Variants in BCAS3 observed in about 807,000 individuals in gnomAD.
BCAS3 encodes BCAS3 microtubule associated cell migration factor, also known as BCAS4/BCAS3 fusion.
A neutral mutation model predicts 116.1 loss-of-function variants in BCAS3; 53 were observed. That is an observed-to-expected ratio of 0.46 (90% confidence interval 0.37 to 0.57). The LOEUF is 0.57. Ranked by LOEUF, BCAS3 falls within the 20% of genes least tolerant of loss-of-function variation. BCAS3 has a pLI of 0.00. For synonymous variants in BCAS3, 391 were observed against 408.2 expected, an observed-to-expected ratio of 0.96 and a Z score of 0.51; for missense variants, 917 against 1,165.4, an observed-to-expected ratio of 0.79 and a Z score of 3.10.
intron 6 of BCAS3, among the ~76,000 whole-genome samples, chr17:60,757,346 A>AT (rs1471709559): frequency 3.3e-5 from 5 of 150,386 alleles, no homozygotes; most frequent in African/African-American, 1.2e-4. Context: ...AAATAAATAA[A>AT]TAAATAAATA....
Position 61,368,401 on chromosome 17 carries a change from T to A in BCAS3, c.2500T>A (p.Ser834Thr). ...WPEGFGLRHM[S>T]SMEHTEEGLR... ...TGAGGGCTTCGGGCTGCGGCACATG[T>A]CCTCCATGGAGCACACGGAGGAGGG... The change falls in exon 23 of 24, where the codon TCC becomes ACC. Residue 834 changes from serine to threonine, a missense_variant. Physicochemically the swap from Ser to Thr is moderately conservative, Grantham distance 58. Coordinates refer to ENST00000407086, the MANE Select transcript of BCAS3 (RefSeq NM_017679.5). The surrounding 1 kb of genome is among the most constrained non-coding windows in gnomAD (Gnocchi z 6.0). 1 of 1,613,092 alleles carries A rather than the reference T, an allele frequency of 6.2e-7. No homozygotes were observed. The highest frequency in any genetic ancestry group is 8.5e-7 in the Non-Finnish European group (1 of 1,179,160).
intron 15 of BCAS3, among the ~76,000 whole-genome samples, chr17:61,014,071 C>A (rs745918895): frequency 6.6e-6 from 1 of 151,824 alleles, no homozygotes. Context: ...CAACTTAATT[C>A]GAATTAGTAA....
intron 22 of BCAS3, among the ~76,000 whole-genome samples, chr17:61,274,454 A>C (rs184185678): frequency 6.6e-6 from 1 of 151,786 alleles, no homozygotes; most frequent in Admixed American, 6.6e-5. Context: ...ACACCTGCCT[A>C]ATTTTTGTAT....
At chr17:60,840,269 T>C (rs75463593) in intron 7 of BCAS3, among the ~76,000 whole-genome samples, 4,612 of 152,264 alleles carry the variant, frequency 0.03, 181 homozygotes, top group East Asian at 0.092. Context: ...GCATAAAAGA[T>C]CCTTTTGCAT....
chr17:60,999,960 T>A (rs1437882226), intron 15 of BCAS3, among the ~76,000 whole-genome samples: 6 of 152,186 alleles, frequency 3.9e-5, no homozygotes, highest in Admixed American at 3.9e-4. Context: ...TCAGCTTGAA[T>A]ATTATTGTTG....
intron 18 of BCAS3, among the ~76,000 whole-genome samples, chr17:61,040,225 C>T (rs1269142226): frequency 1.3e-5 from 2 of 152,164 alleles, no homozygotes; most frequent in African/African-American, 4.8e-5. Flanking sequence ...TACTACTTTA[C>T]TATGCTGGAT....
At chr17:61,120,391 A>T (rs1462700169) in intron 22 of BCAS3, among the ~76,000 whole-genome samples, 1 of 152,086 alleles carries the variant, frequency 6.6e-6, no homozygotes, top group Non-Finnish European at 1.5e-5. Flanking sequence ...TCAGCTACAA[A>T]CCCATATCTT....
At chr17:61,183,038 T>C (rs367667303) in intron 22 of BCAS3, among the ~76,000 whole-genome samples, 2 of 152,260 alleles carry the variant, frequency 1.3e-5, no homozygotes, top group South Asian at 2.1e-4. Context: ...ATTCTTAAGT[T>C]GTTTAAGGAA....
Position 61,151,289 on chromosome 17 carries a change from T to C in BCAS3, c.2425+66725T>C, listed in dbSNP as rs1202038555. Among the ~76,000 whole-genome samples the C allele has an allele frequency of 1.3e-5, 2 of 152,114 alleles. No individual in the cohort carries two copies. The highest frequency in any genetic ancestry group is 2.4e-5 in the African/African-American group (1 of 41,422). On this transcript the variant is annotated intron_variant, in intron 22 of 23. Coordinates refer to ENST00000407086, the MANE Select transcript of BCAS3 (RefSeq NM_017679.5). The surrounding 1 kb of genome is among the most constrained non-coding windows in gnomAD (Gnocchi z 4.8). ...CAGTAAGTATATAATGCAAATATTCTAAGATCTGAAAAAATTCAAAATTCA... is the reference window on the plus strand; with the variant it reads ...CAGTAAGTATATAATGCAAATATTCCAAGATCTGAAAAAATTCAAAATTCA...
chr17:61,025,208 G>T (rs2066150966), intron 16 of BCAS3, among the ~76,000 whole-genome samples: 1 of 152,040 alleles, frequency 6.6e-6, no homozygotes, highest in African/African-American at 2.4e-5. Context: ...TTGTCAAACT[G>T]CAAGCTGAGC....
intron 22 of BCAS3, among the ~76,000 whole-genome samples, chr17:61,287,151 G>C (rs747846405): frequency 2.6e-5 from 4 of 151,968 alleles, no homozygotes; most frequent in Non-Finnish European, 5.9e-5. Flanking sequence ...GGGAGGCTGA[G>C]GCAGGAGAAT....
chr17:61,253,118 C>A (rs2048496449), intron 22 of BCAS3, among the ~76,000 whole-genome samples: 1 of 151,390 alleles, frequency 6.6e-6, no homozygotes, highest in African/African-American at 2.4e-5. Flanking sequence ...TCAGGTGATC[C>A]ACTTGCCTCG....
In BCAS3 at chr17:61,271,124, C is replaced by CTT. The variant is rs1198682844; in HGVS notation, c.2426-97183_2426-97182dup. Among the ~76,000 whole-genome samples the CTT allele has an allele frequency of 1.0e-3, 112 of 107,076 alleles. 1 individual carries two copies. Among genetic ancestry groups the CTT allele is most frequent in the African/African-American group, 2.9e-3 (80 of 27,654 alleles). The allele number at this position is 107,076 out of a possible 152,430, so 70.2% of individuals were successfully genotyped here. ...GTAAGGGAAGGATCCAACTTTTATT[C>CTT]TTTTTTTTTTTTTTTTTTTTTGAAA... On this transcript the variant is annotated intron_variant, in intron 22 of 23. Transcript: ENST00000407086.
Position 61,364,293 on chromosome 17 carries a change from C to T in BCAS3, c.2426-4034C>T, listed in dbSNP as rs1603068742. Among the ~76,000 whole-genome samples, 3 of 152,310 alleles carry T rather than the reference C, an allele frequency of 2.0e-5. No individual in the cohort carries two copies. The highest frequency in any genetic ancestry group is 6.5e-5 in the Admixed American group (1 of 15,306). ...GTGTGCCATCCCGTAAACATGGTGA[C>T]TCATCGTCACCACCACCAAACTCCA... is the stretch of plus-strand genomic sequence containing the variant. On this transcript the variant is annotated intron_variant, in intron 22 of 23. Coordinates refer to ENST00000407086, the MANE Select transcript of BCAS3 (RefSeq NM_017679.5). This position sits in a 1 kb window ranked among gnomAD's most constrained non-coding sequence, Gnocchi z 5.4.
Position 61,037,597 on chromosome 17 carries a change from C to T in BCAS3, c.1763-292C>T, listed in dbSNP as rs2067138026. 1.3e-5 allele frequency among the ~76,000 whole-genome samples: 2 copies of T among 152,104 alleles called. No homozygotes were observed. Among genetic ancestry groups the T allele is most frequent in the African/African-American group, 4.8e-5 (2 of 41,406 alleles). On this transcript the variant is annotated intron_variant, in intron 17 of 23. Coordinates refer to ENST00000407086, the MANE Select transcript of BCAS3 (RefSeq NM_017679.5). This position sits in a 1 kb window ranked among gnomAD's most constrained non-coding sequence, Gnocchi z 4.7. ...GACCAGCCTGACCAACACGGCGAAA[C>T]CCTATCTCTACTAAAAATACAAAAA...
intron 7 of BCAS3, chr17:60,810,146 A>AGAT: frequency 2.6e-6 from 1 of 382,512 alleles, no homozygotes; most frequent in Non-Finnish European, 5.2e-6. Flanking sequence ...CTGTCCTCTC[A>AGAT]CTCTCCCCAC....
chr17:61,015,827 C>T lies in BCAS3; in HGVS notation c.1563C>T (p.Pro521=). 6.2e-7 allele frequency: 1 copy of T among 1,614,076 alleles called. No homozygotes were observed. The highest frequency in any genetic ancestry group is 8.5e-7 in the Non-Finnish European group (1 of 1,179,970). ...GCAACCCTCGGCTCTCTCCTCTTCC[C>T]AGCTTGATGGTAGTGATGCCTCTTG... is the stretch of plus-strand genomic sequence containing the variant. ...NPGNPRLSPL[P]SLMVVMPLAQ... The change falls in exon 16 of 24, where the codon CCC becomes CCT. Residue 521 remains proline, a synonymous_variant. Transcript: ENST00000407086.
intron 14 of BCAS3, among the ~76,000 whole-genome samples, chr17:60,985,961 T>C (rs929238438): frequency 6.6e-6 from 1 of 152,366 alleles, no homozygotes; most frequent in East Asian, 1.9e-4. Context: ...GGTCTTGAAC[T>C]CCTGACCTCA....
chr17:61,289,967 G>A (rs1019809827), intron 22 of BCAS3, among the ~76,000 whole-genome samples: 7 of 152,180 alleles, frequency 4.6e-5, no homozygotes, highest in African/African-American at 1.7e-4. Flanking sequence ...TGTGAGCAAA[G>A]CAACTGGGAA....
Sources: allele counts gnomAD v4.1 joint callset (sites outside exome capture counted in the v4.1 genomes callset), GRCh38; gene constraint gnomAD v4.1.1; non-coding constraint Gnocchi (gnomAD v3.1); transcripts MANE v1.5; gene names NCBI Gene and HGNC (gene_info 2026-07-23, HGNC 2026-07-21).